Variants in OTOG observed in about 807,000 individuals in gnomAD.
OTOG encodes the protein otogelin.
Under a neutral mutation model 313.8 loss-of-function variants are expected in OTOG, and 296 were observed. The ratio of observed to expected loss-of-function variants is 0.94; its 90% CI spans 0.86 to 1.04. The LOEUF (loss-of-function observed/expected upper bound fraction) is 1.04, where lower values mean the gene tolerates loss of function less well. Ranked by LOEUF, OTOG falls within the 50% of genes least tolerant of loss-of-function variation. OTOG has a pLI of 0.00. For missense variants in OTOG, 3,948 were observed against 3,840.1 expected, an observed-to-expected ratio of 1.03 and a Z score of -0.74; for synonymous variants, 1,533 against 1,554.9, an observed-to-expected ratio of 0.99 and a Z score of 0.33.
chr11:17,612,586 C>T lies in OTOG; in HGVS notation c.6293-34C>T, dbSNP rs527768744. The T allele has an allele frequency of 1.3e-5, 20 of 1,539,798 alleles. No homozygotes were observed. The African/African-American group carries it at 2.7e-4, about 21-fold the overall frequency. On this transcript the variant is annotated intron_variant, in intron 37 of 55. Transcript: ENST00000399397. ...AGGCGGCCTTGGTCTTGGAGGCATC[C>T]ACCTATTCTTCTTGTGCCCTGCCCC...
Position 17,610,327 on chromosome 11 carries a change from T to A in OTOG, c.5027T>A (p.Ile1676Lys). 2.6e-6 allele frequency: 4 copies of A among 1,550,656 alleles called. No individual in the cohort carries two copies. Among genetic ancestry groups the A allele is most frequent in the Non-Finnish European group, 3.5e-6 (4 of 1,146,972 alleles). ...CTGACACCTGCAGTAACTAAGGTCA[T>A]AAGCAGGACAGGGGTCCCCCAGCCC... ...AVLTPAVTKV[I>K]SRTGVPQPTQ... The change falls in exon 36 of 56, where the codon ATA becomes AAA. Residue 1676 changes from isoleucine (I) to lysine (K), a missense_variant. Ile to Lys is a moderately radical substitution (Grantham distance 102). Transcript: ENST00000399397.
At chr11:17,597,234 A>T (rs1853133607) in intron 30 of OTOG, among the ~76,000 whole-genome samples, 1 of 152,258 alleles carries the variant, frequency 6.6e-6, no homozygotes, top group Non-Finnish European at 1.5e-5. Context: ...GAGATCAAGT[A>T]ACATGCTCAA....
intron 6 of OTOG, 35 bp from the exon 7 acceptor site, chr11:17,555,744 G>T: frequency 6.6e-7 from 1 of 1,517,710 alleles, no homozygotes; most frequent in South Asian, 1.2e-5. Context: ...CCTGTGGCAG[G>T]AGCCTGCAAA....
chr11:17,579,695 G>A (rs916298075), intron 23 of OTOG, among the ~76,000 whole-genome samples: 6 of 152,286 alleles, frequency 3.9e-5, no homozygotes, highest in East Asian at 1.9e-4. Flanking sequence ...ACTGAAGGCC[G>A]CTTGTGACAC....
chr11:17,641,522 A>G (rs1192448498), intron 51 of OTOG, among the ~76,000 whole-genome samples: 1 of 152,166 alleles, frequency 6.6e-6, no homozygotes, highest in South Asian at 2.1e-4. Flanking sequence ...AGAGGAGAAA[A>G]CTGAGGCTTA....
intron 52 of OTOG, 37 bp downstream of exon 52, chr11:17,641,988 C>G (rs1186180651): frequency 1.0e-5 from 16 of 1,542,834 alleles, no homozygotes; most frequent in Non-Finnish European, 1.3e-5. Flanking sequence ...AGGAGGGTGT[C>G]CCAGAAGGGG....
Position 17,594,176 on chromosome 11 carries a change from C to G in OTOG, c.3408+10C>G, listed in dbSNP as rs1853031847. ...TTGGGCTGCAGTTGAGGTAAAGCCT[C>G]TCTTCCAGGCTGGCTTATGCCCCTC... On this transcript the variant is annotated intron_variant, in intron 28 of 55. Coordinates refer to ENST00000399397, the MANE Select transcript of OTOG (RefSeq NM_001292063.2). 1 of 1,550,622 alleles carries G rather than the reference C, an allele frequency of 6.4e-7. No homozygotes were observed. The highest frequency in any genetic ancestry group is 1.4e-5 in the African/African-American group (1 of 73,180).
At chr11:17,584,976 T>C (rs749227814) in intron 23 of OTOG, among the ~76,000 whole-genome samples, 42 of 152,252 alleles carry the variant, frequency 2.8e-4, no homozygotes, top group Non-Finnish European at 5.7e-4. Context: ...TATTTAATAT[T>C]CTGTGGTCTG....
intron 22 of OTOG, 25 bp from the exon 23 acceptor site, chr11:17,578,348 C>T (rs1852585444): frequency 5.4e-6 from 8 of 1,469,646 alleles, no homozygotes; most frequent in Non-Finnish European, 7.2e-6. Flanking sequence ...CCCAGGGCCT[C>T]CGCTCCCATC....
At chr11:17,548,588 C>T (rs1290316096) in intron 3 of OTOG, among the ~76,000 whole-genome samples, 1 of 152,040 alleles carries the variant, frequency 6.6e-6, no homozygotes, top group Non-Finnish European at 1.5e-5. Context: ...GCCCTCAACC[C>T]TGTCAGAGGC....
chr11:17,549,630 G>A (rs1851890834), intron 3 of OTOG, among the ~76,000 whole-genome samples: 1 of 152,200 alleles, frequency 6.6e-6, no homozygotes, highest in Non-Finnish European at 1.5e-5. Flanking sequence ...CGTGCATACA[G>A]GACTTCAGGA....
At chr11:17,562,961 G>A (rs995484598) in intron 15 of OTOG, among the ~76,000 whole-genome samples, 1 of 152,198 alleles carries the variant, frequency 6.6e-6, no homozygotes, top group Non-Finnish European at 1.5e-5. Context: ...TTGTAACTGG[G>A]CTACAGCAGC....
chr11:17,613,190 CTTT>C, intron 38 of OTOG, among the ~76,000 whole-genome samples: 1 of 98,250 alleles, frequency 1.0e-5, no homozygotes, highest in Non-Finnish European at 2.0e-5. Flanking sequence ...TTCTTTCTTT[CTTT>C]CTTTTCTTTC....
chr11:17,560,861 TGAGGCTTTCCAC>T, intron 13 of OTOG, 44 bp downstream of exon 13: 2 of 1,487,206 alleles, frequency 1.3e-6, no homozygotes, highest in Non-Finnish European at 1.8e-6. Flanking sequence ...GCATGGCCGC[TGAGGCTTTCCAC>T]GAGGGCTGCC....
At chr11:17,635,946 G>A (rs1048391250) in intron 47 of OTOG, among the ~76,000 whole-genome samples, 3 of 152,184 alleles carry the variant, frequency 2.0e-5, no homozygotes, top group African/African-American at 7.2e-5. Flanking sequence ...AGGCCCCCAA[G>A]GGCCAGACAG....
chr11:17,638,105 GT>G (rs1854306272), intron 47 of OTOG, among the ~76,000 whole-genome samples: 1 of 152,246 alleles, frequency 6.6e-6, no homozygotes, highest in African/African-American at 2.4e-5. Flanking sequence ...GGGAAAGGTT[GT>G]GTTAGACAGA....
At chr11:17,594,196 C>A (rs1432293620) in intron 28 of OTOG, 30 bp downstream of exon 28, 2 of 1,550,458 alleles carry the variant, frequency 1.3e-6, no homozygotes, top group Admixed American at 2.0e-5. Flanking sequence ...CTGGCTTATG[C>A]CCCTCACTCA....
At chr11:17,608,794 G>A (rs1450898869) in intron 34 of OTOG, among the ~76,000 whole-genome samples, 4 of 152,152 alleles carry the variant, frequency 2.6e-5, no homozygotes, top group Non-Finnish European at 1.5e-5. Flanking sequence ...GGGTTGGAGG[G>A]GGTACATGAG....
chr11:17,601,919 C>A (rs376569422), intron 31 of OTOG, among the ~76,000 whole-genome samples: 5 of 152,264 alleles, frequency 3.3e-5, no homozygotes, highest in South Asian at 4.1e-4. Flanking sequence ...TGTGGAGAGA[C>A]AATGGGGGGC....
Sources: gnomAD v4.1 joint callset for allele counts (sites outside exome capture counted in the v4.1 genomes callset) on GRCh38, gnomAD v4.1.1 for gene constraint, MANE v1.5 for transcripts, NCBI Gene and HGNC (gene_info 2026-07-23, HGNC 2026-07-21) for gene names.